FMO5: variants seen among roughly 807,000 people sequenced by gnomAD.
FMO5 encodes the protein flavin containing dimethylaniline monoxygenase 5.
In FMO5, 51 loss-of-function variants were observed where a neutral mutation model predicts 43.6. The observed-to-expected ratio is 1.17, with a 90% CI of 0.93 to 1.48. FMO5 has a LOEUF of 1.48. Among genes scored for constraint, FMO5 ranks in the 40% most tolerant of loss-of-function variants. The pLI, the probability that FMO5 is intolerant of heterozygous loss-of-function variation, is 0.00. For missense variants in FMO5, 644 were observed against 643.0 expected (o/e 1.00, Z -0.02); for synonymous variants, 187 against 216.5 (o/e 0.86, Z 1.20).
At chr1:147,215,452 T>C (rs1025328340) in intron 3 of FMO5, 1 of 277,172 alleles carries the variant, frequency 3.6e-6, no homozygotes. Context: ...AGTTCCCTTC[T>C]GTAATGGGGA....
At chr1:147,218,039 A>C (rs1553925384) in intron 2 of FMO5, among the ~76,000 whole-genome samples, 1 of 152,254 alleles carries the variant, frequency 6.6e-6, no homozygotes, top group East Asian at 1.9e-4. Flanking sequence ...AACTAATAAA[A>C]TACATCAACA....
intron 2 of FMO5, among the ~76,000 whole-genome samples, chr1:147,216,154 C>G (rs940247733): frequency 1.3e-5 from 2 of 152,176 alleles, no homozygotes; most frequent in Non-Finnish European, 2.9e-5. Flanking sequence ...TGAAATGACA[C>G]TGAATGGCTT....
intron 6 of FMO5, among the ~76,000 whole-genome samples, chr1:147,203,053 T>A (rs1397553387): frequency 6.6e-6 from 1 of 152,162 alleles, no homozygotes; most frequent in Non-Finnish European, 1.5e-5. Flanking sequence ...CTTGCCTAAA[T>A]CTTTGAATGG....
chr1:147,194,554 T>C (rs921679988), intron 7 of FMO5, among the ~76,000 whole-genome samples: 16 of 152,194 alleles, frequency 1.1e-4, no homozygotes, highest in African/African-American at 3.6e-4. Flanking sequence ...GTGATTATGA[T>C]GTTAGCTGGT....
chr1:147,189,990 T>C (rs1182695633), intron 8 of FMO5, among the ~76,000 whole-genome samples, 187 bp downstream of exon 8: 3 of 152,190 alleles, frequency 2.0e-5, no homozygotes, highest in African/African-American at 7.2e-5. Context: ...TTCTCTCTTT[T>C]CTTACCCATA....
intron 5 of FMO5, chr1:147,210,954 T>C (rs1553923631): frequency 6.6e-6 from 1 of 152,224 alleles, no homozygotes; most frequent in Non-Finnish European, 1.5e-5. Flanking sequence ...AAAACTTCCA[T>C]GATATACTGA....
intron 8 of FMO5, among the ~76,000 whole-genome samples, chr1:147,188,392 G>A (rs1002860005): frequency 1.3e-5 from 2 of 151,950 alleles, no homozygotes; most frequent in East Asian, 3.9e-4. Context: ...GGCGTTGTTA[G>A]TATGCCTGTA....
intron 7 of FMO5, 132 bp from the exon 8 acceptor site, chr1:147,190,381 T>A (rs1656477830): frequency 3.4e-6 from 2 of 584,014 alleles, no homozygotes; most frequent in Non-Finnish European, 6.0e-6. Context: ...AGGTTACAAT[T>A]CACTTGATCA....
chr1:147,219,511 C>T (rs782539626), intron 2 of FMO5, among the ~76,000 whole-genome samples: 8 of 151,902 alleles, frequency 5.3e-5, no homozygotes, highest in Non-Finnish European at 8.8e-5. Context: ...CTACAAAATA[C>T]CTATAACCAA....
rs587607528 is a variant in FMO5 at position 147,212,751 on chromosome 1, T to C, written c.488-216A>G. Among the ~76,000 whole-genome samples, 33 of 152,332 alleles carry C rather than the reference T, an allele frequency of 2.2e-4. 1 individual carries two copies. Among genetic ancestry groups the C allele is most frequent in the Non-Finnish European group, 1.8e-4 (12 of 68,032 alleles). Reference sequence around the variant, plus strand: ...TGTGATTTCCTTGTCATATGTACTTTGCTTAACTCAGGATGTGTTTGTATT... The same window carrying C: ...TGTGATTTCCTTGTCATATGTACTTCGCTTAACTCAGGATGTGTTTGTATT... On this transcript the variant is annotated intron_variant, in intron 4 of 8. Coordinates refer to ENST00000254090, the MANE Select transcript of FMO5 (RefSeq NM_001461.4).
chr1:147,192,453 G>A (rs782729375), intron 7 of FMO5, among the ~76,000 whole-genome samples: 133 of 152,220 alleles, frequency 8.7e-4, no homozygotes, highest in Non-Finnish European at 1.6e-3. Context: ...CATGTCGTCT[G>A]CAAACAGGGA....
chr1:147,220,723 G>A (rs1662855603), intron 2 of FMO5, among the ~76,000 whole-genome samples: 2 of 152,070 alleles, frequency 1.3e-5, no homozygotes, highest in Admixed American at 1.3e-4. Context: ...GCAAAAGGAA[G>A]GGATCCAGTG....
chr1:147,195,415 GAGCCACCATGCCC>G (rs1553919609), intron 7 of FMO5, among the ~76,000 whole-genome samples: 1 of 151,748 alleles, frequency 6.6e-6, no homozygotes, highest in Admixed American at 6.6e-5. Flanking sequence ...TTACAGGCAT[GAGCCACCATGCCC>G]AGCCAAAATA....
At chr1:147,209,675 T>A (rs756973584) in intron 5 of FMO5, 1 of 152,308 alleles carries the variant, frequency 6.6e-6, no homozygotes, top group Non-Finnish European at 1.5e-5. Context: ...GCGAAGCCTG[T>A]TCATTTTTAA....
At chr1:147,224,868 T>C (rs782553459) in intron 2 of FMO5, 27 bp downstream of exon 2, 1 of 1,609,138 alleles carries the variant, frequency 6.2e-7, no homozygotes, top group Non-Finnish European at 8.5e-7. Context: ...GGGTTTCAAG[T>C]ATTAAGGGAC....
intron 2 of FMO5, chr1:147,224,457 A>C (rs764252555): frequency 1.0e-4 from 16 of 159,466 alleles, no homozygotes; most frequent in Non-Finnish European, 1.8e-4. Context: ...GTCAGTTTGG[A>C]GATCAATAAA....
At chr1:147,194,781 G>A (rs1163519116) in intron 7 of FMO5, among the ~76,000 whole-genome samples, 15 of 151,838 alleles carry the variant, frequency 9.9e-5, no homozygotes, top group African/African-American at 3.4e-4. Flanking sequence ...TAGTTTGGCT[G>A]GATATGAAAT....
chr1:147,202,969 C>T (rs1253847609), intron 6 of FMO5, among the ~76,000 whole-genome samples: 1 of 152,064 alleles, frequency 6.6e-6, no homozygotes, highest in African/African-American at 2.4e-5. Context: ...GTCTTTAGGA[C>T]CTCCTGTCTC....
intron 2 of FMO5, 84 bp downstream of exon 2, chr1:147,224,811 A>G (rs782240379): frequency 1.4e-4 from 195 of 1,409,316 alleles, no homozygotes; most frequent in Non-Finnish European, 1.9e-4. Context: ...GCGCCCGGCC[A>G]CCTGACACTG....
Sources: allele counts gnomAD v4.1 joint callset (sites outside exome capture counted in the v4.1 genomes callset), GRCh38; gene constraint gnomAD v4.1.1; transcripts MANE v1.5; gene names NCBI Gene and HGNC (gene_info 2026-07-23, HGNC 2026-07-21).